PPARGC1B: variants seen among roughly 807,000 people sequenced by gnomAD.
PPARGC1B encodes the protein peroxisome proliferator-activated receptor gamma coactivator 1-beta.
In PPARGC1B, 34 loss-of-function variants were observed where a neutral mutation model predicts 101.6. The ratio of observed to expected loss-of-function variants is 0.33; its 90% confidence interval spans 0.25 to 0.45. The LOEUF (loss-of-function observed/expected upper bound fraction) is 0.45. PPARGC1B is among the 20% of genes least tolerant of loss of function. PPARGC1B has a pLI of 1.00. For missense variants in PPARGC1B, 1,234 were observed against 1,317.6 expected, an observed-to-expected ratio of 0.94 and a Z score of 0.98; for synonymous variants, 548 against 539.3, an observed-to-expected ratio of 1.02 and a Z score of -0.22.
In PPARGC1B at chr5:149,834,217, G is replaced by A. The variant is rs569195608; in HGVS notation, c.1705+439G>A. On this transcript the variant is annotated intron_variant, in intron 5 of 11. Transcript: ENST00000309241. ...AACAGTTAGCCACTGTATACTTACC[G>A]TGCTGGCACTGGTCTCAGATGAACA... is the stretch of plus-strand genomic sequence containing the variant. Among the ~76,000 whole-genome samples, 202 of 152,320 alleles carry A rather than the reference G, an allele frequency of 1.3e-3. 2 individuals are homozygous for A. Among genetic ancestry groups the A allele is most frequent in the Admixed American group, 2.2e-3 (33 of 15,310 alleles).
At chr5:149,838,389 G>A (rs1759195670) in intron 8 of PPARGC1B, among the ~76,000 whole-genome samples, 1 of 152,170 alleles carries the variant, frequency 6.6e-6, no homozygotes, top group African/African-American at 2.4e-5. Context: ...GGATTCGTCA[G>A]TCACAGCTGC....
chr5:149,786,820 C>T (rs1756828136), intron 1 of PPARGC1B, among the ~76,000 whole-genome samples: 1 of 152,192 alleles, frequency 6.6e-6, no homozygotes, highest in Non-Finnish European at 1.5e-5. Context: ...TCTTCTCCTT[C>T]CAACAGAAGT....
chr5:149,778,800 G>A (rs560930379), intron 1 of PPARGC1B, among the ~76,000 whole-genome samples: 1 of 152,274 alleles, frequency 6.6e-6, no homozygotes, highest in South Asian at 2.1e-4. Context: ...GGCACTCATG[G>A]CCTCAGTTTC....
Position 149,835,024 on chromosome 5 carries a change from G to A in PPARGC1B, c.1743-277G>A, listed in dbSNP as rs1024979. Among the ~76,000 whole-genome samples the A allele has an allele frequency of 0.088, 13,371 of 152,222 alleles. 1,080 individuals carry two copies. Among genetic ancestry groups the A allele is most frequent in the African/African-American group, 0.21 (8,895 of 41,520 alleles). ...AAGTCCGTTCCTCCTTCTGGGCCTC[G>A]GTTGCTCCCTCTATAAAATAAGGAG... On this transcript the variant is annotated intron_variant, in intron 6 of 11. Transcript: ENST00000309241.
chr5:149,856,304 G>T (rs1759948849), downstream of PPARGC1B, among the ~76,000 whole-genome samples: 1 of 152,184 alleles, frequency 6.6e-6, no homozygotes, highest in Non-Finnish European at 1.5e-5. Flanking sequence ...AACACATCAT[G>T]ATTTTTTCCC....
intron 1 of PPARGC1B, among the ~76,000 whole-genome samples, chr5:149,733,369 C>A (rs560838572): frequency 1.2e-4 from 18 of 152,296 alleles, no homozygotes; most frequent in African/African-American, 3.6e-4. Flanking sequence ...AGGCTATGCC[C>A]CTGGCCCAGA....
chr5:149,739,887 A>G (rs56683598), intron 1 of PPARGC1B: 3,460 of 152,534 alleles, frequency 0.023, 124 homozygotes, highest in African/African-American at 0.078. Flanking sequence ...CACAGAGCTC[A>G]GAGAGGAGGG....
intron 1 of PPARGC1B, among the ~76,000 whole-genome samples, chr5:149,798,216 A>G (rs536959500): frequency 3.9e-5 from 6 of 152,376 alleles, no homozygotes; most frequent in South Asian, 4.1e-4. Flanking sequence ...TTGCCTCCAA[A>G]GTAGCCCCAT....
At chr5:149,757,079 T>C (rs1755555698) in intron 1 of PPARGC1B, among the ~76,000 whole-genome samples, 1 of 152,154 alleles carries the variant, frequency 6.6e-6, no homozygotes, top group African/African-American at 2.4e-5. Flanking sequence ...TGATAAGCCC[T>C]TCGAAGACAA....
intron 1 of PPARGC1B, among the ~76,000 whole-genome samples, chr5:149,731,642 G>GA (rs1754475339): frequency 6.6e-6 from 1 of 151,704 alleles, no homozygotes; most frequent in South Asian, 2.1e-4. Flanking sequence ...GGTGGGAGGA[G>GA]AGAGAGGGAA....
intron 1 of PPARGC1B, among the ~76,000 whole-genome samples, chr5:149,805,777 G>A (rs546579901): frequency 1.3e-5 from 2 of 152,226 alleles, no homozygotes; most frequent in African/African-American, 2.4e-5. Flanking sequence ...AATTCACTCT[G>A]GTTAAATAGG....
chr5:149,842,232 C>T lies in PPARGC1B; in HGVS notation c.2695-24C>T, dbSNP rs372382272. On this transcript the variant is annotated intron_variant, in intron 9 of 11. Transcript: ENST00000309241. ...AGGAAGCCAGGCAATGACGGAGTCTCTCTCTGTCCTCCTTCTTGGGCAGGG... is the reference window on the plus strand; with the variant it reads ...AGGAAGCCAGGCAATGACGGAGTCTTTCTCTGTCCTCCTTCTTGGGCAGGG... The T allele has an allele frequency of 2.5e-6, 4 of 1,610,276 alleles. No individual in the cohort carries two copies. The African/African-American group carries it at 5.3e-5, about 22-fold the overall frequency.
chr5:149,806,916 A>T (rs1757622388), intron 1 of PPARGC1B, among the ~76,000 whole-genome samples: 3 of 127,324 alleles, frequency 2.4e-5, no homozygotes, highest in South Asian at 4.6e-4. Flanking sequence ...CAACTTTTTA[A>T]AAAAAATTGT....
chr5:149,848,286 G>C lies in PPARGC1B; in HGVS notation c.*728G>C, dbSNP rs1407256420. On this transcript the variant is annotated 3_prime_UTR_variant, in exon 12 of 12. Transcript: ENST00000309241. ...CTTGTGCCCAGCTCATGCTCCAAGT[G>C]TGTGTCTATCCATTTGTACTCAGAC... 2 of 152,342 alleles carry C rather than the reference G, an allele frequency of 1.3e-5. No individual in the cohort carries two copies. The highest frequency in any genetic ancestry group is 2.9e-5 in the Non-Finnish European group (2 of 68,134). 9.4% of individuals were successfully genotyped at this position (152,342 alleles called of 1,614,324 possible). A position where few individuals can be genotyped will look rare whatever the true frequency, so the allele number is the denominator to read the frequency against.
rs575806308 is a variant in PPARGC1B at position 149,833,983 on chromosome 5, C to G, written c.1705+205C>G. 6.6e-6 allele frequency among the ~76,000 whole-genome samples: 1 copy of G among 152,364 alleles called. No individual in the cohort carries two copies. Among genetic ancestry groups the G allele is most frequent in the East Asian group, 1.9e-4 (1 of 5,188 alleles). ...TCTTCAGAAGAACACCTATGCATCT[C>G]TGAGTTTTTCATCTTGCATGGGCAA... On this transcript the variant is annotated intron_variant, in intron 5 of 11. Coordinates refer to ENST00000309241, the MANE Select transcript of PPARGC1B (RefSeq NM_133263.4). The surrounding 1 kb of genome is among the most constrained non-coding windows in gnomAD (Gnocchi z 4.1).
rs143344511 is a variant in PPARGC1B, at chr5:149,826,436, A to G, written c.253-237A>G. On this transcript the variant is annotated intron_variant, in intron 2 of 11. Transcript: ENST00000309241. ...GGCAGGGCCCTTTCCATTGTCATCT[A>G]CTGCCTGTTCATAAAATTCTGGGAT... Among the ~76,000 whole-genome samples, 76 of 152,250 alleles carry G rather than the reference A, an allele frequency of 5.0e-4. No homozygotes were observed. In the East Asian group the frequency reaches 0.013, roughly 27 times the overall value.
Position 149,833,708 on chromosome 5 carries a change from G to A in PPARGC1B, c.1635G>A (p.Leu545=). The change falls in exon 5 of 12, where the codon CTG becomes CTA. Residue 545 remains leucine, a synonymous_variant. Transcript: ENST00000309241. This position sits in a 1 kb window ranked among gnomAD's most constrained non-coding sequence, Gnocchi z 4.1. Reference sequence around the variant, plus strand: ...TACGGGGACCCCAGATCCCTGCCCTGGAGAGCCCCTGTGAGAGTGGGTGTG... The same window carrying A: ...TACGGGGACCCCAGATCCCTGCCCTAGAGAGCCCCTGTGAGAGTGGGTGTG... ...QLLRGPQIPA[L]ESPCESGCGD... The A allele has an allele frequency of 6.2e-7, 1 of 1,605,234 alleles. No individual in the cohort carries two copies. The highest frequency in any genetic ancestry group is 1.7e-5 in the Admixed American group (1 of 59,530).
chr5:149,797,100 C>T (rs1757250262), intron 1 of PPARGC1B, among the ~76,000 whole-genome samples: 2 of 152,150 alleles, frequency 1.3e-5, no homozygotes, highest in East Asian at 1.9e-4. Flanking sequence ...GAACCCTGGA[C>T]GGGCTCAAGG....
At chr5:149,842,752 C>A (rs1427992505) in intron 10 of PPARGC1B, among the ~76,000 whole-genome samples, 1 of 152,212 alleles carries the variant, frequency 6.6e-6, no homozygotes, top group Non-Finnish European at 1.5e-5. Flanking sequence ...TGCTTCAGGG[C>A]CTTTGGCCTG....
Sources: gnomAD v4.1 joint callset for allele counts (sites outside exome capture counted in the v4.1 genomes callset) on GRCh38, gnomAD v4.1.1 for gene constraint, Gnocchi (gnomAD v3.1) non-coding constraint, MANE v1.5 for transcripts, NCBI Gene and HGNC (gene_info 2026-07-23, HGNC 2026-07-21) for gene names.